The following KCNJ12 variants were observed in gnomAD, a reference collection of about 807,000 sequenced individuals.
KCNJ12 encodes ATP-sensitive inward rectifier potassium channel 12.
In KCNJ12, 2 loss-of-function variants were observed where a neutral mutation model predicts 22.3. The observed-to-expected ratio is 0.09, with a 90% confidence interval of 0.04 to 0.28. The LOEUF (loss-of-function observed/expected upper bound fraction) is 0.28, where lower values mean the gene tolerates loss of function less well. Among genes scored for constraint, KCNJ12 ranks in the 10% least tolerant of loss-of-function variants. KCNJ12 has a pLI of 1.00. For missense variants in KCNJ12, 155 were observed against 633.3 expected (o/e 0.24, Z 8.11); for synonymous variants, 117 against 261.4 (o/e 0.45, Z 5.33).
At position 21,416,906 on chromosome 17, in the gene KCNJ12, A is replaced by T; in HGVS notation, c.*262A>T. ...CCTGGGGGGCCAGGCCACGAGGGCC[A>T]GGGCTTCTGCCTGAAGATGGAGCTG... On this transcript the variant is annotated 3_prime_UTR_variant, in exon 3 of 3. Transcript: ENST00000583088. 1 of 546,784 alleles carries T rather than the reference A, an allele frequency of 1.8e-6. No homozygotes were observed. The highest frequency in any genetic ancestry group is 3.6e-5 in the Admixed American group (1 of 27,708). 33.9% of individuals were successfully genotyped at this position (546,784 alleles called of 1,614,324 possible). A position where few individuals can be genotyped will look rare whatever the true frequency, so the allele number is the denominator to read the frequency against.
chr17:21,390,689 G>T (rs782540940), intron 1 of KCNJ12, among the ~76,000 whole-genome samples: 1 of 152,160 alleles, frequency 6.6e-6, no homozygotes, highest in Non-Finnish European at 1.5e-5. Flanking sequence ...GTTTGGTTGT[G>T]GCTCTGAGCT....
intron 1 of KCNJ12, among the ~76,000 whole-genome samples, chr17:21,382,643 G>A (rs573179707): frequency 1.3e-5 from 2 of 152,288 alleles, no homozygotes; most frequent in South Asian, 4.1e-4. Context: ...AGCACTGCCC[G>A]TCCCTCCTCC....
intron 1 of KCNJ12, among the ~76,000 whole-genome samples, chr17:21,399,754 C>CT (rs1905507589): frequency 6.6e-6 from 1 of 152,212 alleles, no homozygotes; most frequent in Non-Finnish European, 1.5e-5. Flanking sequence ...TCCTAGGTCT[C>CT]TATTTCCACA....
At chr17:21,398,312 C>T (rs1310354880) in intron 1 of KCNJ12, among the ~76,000 whole-genome samples, 4 of 152,236 alleles carry the variant, frequency 2.6e-5, no homozygotes, top group African/African-American at 9.6e-5. Flanking sequence ...TGGTCATACC[C>T]CACACTTCTC....
At chr17:21,382,533 A>G (rs782392498) in intron 1 of KCNJ12, among the ~76,000 whole-genome samples, 5 of 152,112 alleles carry the variant, frequency 3.3e-5, no homozygotes, top group African/African-American at 9.7e-5. Context: ...TAAAATGTTT[A>G]AAAATGTTTA....
Position 21,391,449 on chromosome 17 carries a change from C to CT in KCNJ12, c.-179+14537dup, listed in dbSNP as rs537546026. ...CCGGACCACAGACCTCCTCACAAGACTGTCCTGCTGCTCCCCAGCTTCTCC... is the reference window on the plus strand; with the variant it reads ...CCGGACCACAGACCTCCTCACAAGACTTGTCCTGCTGCTCCCCAGCTTCTCC... On this transcript the variant is annotated intron_variant, in intron 1 of 2. Transcript: ENST00000583088. Among the ~76,000 whole-genome samples, 5 of 152,342 alleles carry CT rather than the reference C, an allele frequency of 3.3e-5. No individual in the cohort carries two copies. The East Asian group carries it at 9.7e-4, about 29-fold the overall frequency.
chr17:21,396,997 T>A (rs1277980821), intron 1 of KCNJ12, among the ~76,000 whole-genome samples: 1 of 152,222 alleles, frequency 6.6e-6, no homozygotes, highest in Admixed American at 6.5e-5. Context: ...TTCCTAGCTG[T>A]GTGACCCTGG....
intron 1 of KCNJ12, among the ~76,000 whole-genome samples, chr17:21,396,220 C>T (rs782257174): frequency 3.0e-4 from 46 of 152,284 alleles, no homozygotes; most frequent in Non-Finnish European, 5.0e-4. Flanking sequence ...GCTACATGCA[C>T]CTGGACTCCT....
chr17:21,379,857 G>A (rs1166330806), intron 1 of KCNJ12, among the ~76,000 whole-genome samples: 1 of 152,102 alleles, frequency 6.6e-6, no homozygotes, highest in Non-Finnish European at 1.5e-5. Flanking sequence ...CAGGACCAGA[G>A]CCCCCGCTGG....
At chr17:21,409,187 T>A (rs1460018856) in intron 2 of KCNJ12, among the ~76,000 whole-genome samples, 2 of 152,312 alleles carry the variant, frequency 1.3e-5, no homozygotes, top group Non-Finnish European at 2.9e-5. Context: ...AAGTAGCTTC[T>A]GGCCTGAACG....
intron 1 of KCNJ12, among the ~76,000 whole-genome samples, chr17:21,383,679 C>T: frequency 6.6e-6 from 1 of 152,142 alleles, no homozygotes; most frequent in East Asian, 1.9e-4. Context: ...CCCTTTCTTT[C>T]CATCCCCTCC....
intron 1 of KCNJ12, among the ~76,000 whole-genome samples, chr17:21,397,254 G>T (rs1291280437): frequency 2.0e-5 from 3 of 152,168 alleles, no homozygotes; most frequent in Non-Finnish European, 4.4e-5. Context: ...TTCTCAGGGC[G>T]CAGTGAGGCA....
chr17:21,384,031 C>G, intron 1 of KCNJ12, among the ~76,000 whole-genome samples: 1 of 152,054 alleles, frequency 6.6e-6, no homozygotes, highest in Non-Finnish European at 1.5e-5. Context: ...AGTTTCTTGT[C>G]CTTGGGGTGA....
At chr17:21,398,516 G>A (rs1442248455) in intron 1 of KCNJ12, among the ~76,000 whole-genome samples, 1 of 152,234 alleles carries the variant, frequency 6.6e-6, no homozygotes, top group African/African-American at 2.4e-5. Context: ...CCTTGCTGGG[G>A]ATAACTCTGA....
At chr17:21,392,654 C>A (rs577874236) in intron 1 of KCNJ12, among the ~76,000 whole-genome samples, 1 of 152,356 alleles carries the variant, frequency 6.6e-6, no homozygotes, top group South Asian at 2.1e-4. Flanking sequence ...GACCCCCATC[C>A]TCCTCGAGTG....
At chr17:21,384,446 A>G (rs1905002676) in intron 1 of KCNJ12, among the ~76,000 whole-genome samples, 1 of 152,142 alleles carries the variant, frequency 6.6e-6, no homozygotes, top group African/African-American at 2.4e-5. Flanking sequence ...CCTTCGTCAC[A>G]TCCCTCTGGG....
rs1465733238 is a variant in KCNJ12 at position 21,401,723 on chromosome 17, T to C, written c.-178-6796T>C. ...AGACTTTAAGGACTCTAGAGCACTC[T>C]TGGGGCACAGGGACAGAATCCTAGT... On this transcript the variant is annotated intron_variant, in intron 1 of 2. Transcript: ENST00000583088. 6.6e-5 allele frequency among the ~76,000 whole-genome samples: 10 copies of C among 152,228 alleles called. No homozygotes were observed. The South Asian group carries it at 1.9e-3, about 28-fold the overall frequency.
Position 21,415,271 on chromosome 17 carries a change from G to T in KCNJ12, c.-56-16G>T. Reference sequence around the variant, plus strand: ...AGCCACCAGCCCAGCCAGACATGCTGTCGTCTCTGTTGCAGGAGCCGCCCT... The same window carrying T: ...AGCCACCAGCCCAGCCAGACATGCTTTCGTCTCTGTTGCAGGAGCCGCCCT... On this transcript the variant is annotated splice_polypyrimidine_tract_variant and intron_variant, in intron 2 of 2. Transcript: ENST00000583088. 1 of 1,552,578 alleles carries T rather than the reference G, an allele frequency of 6.4e-7. No individual in the cohort carries two copies. The highest frequency in any genetic ancestry group is 8.7e-7 in the Non-Finnish European group (1 of 1,155,542).
intron 1 of KCNJ12, among the ~76,000 whole-genome samples, chr17:21,384,765 T>A (rs1159167610): frequency 2.3e-5 from 3 of 130,876 alleles, no homozygotes; most frequent in Non-Finnish European, 5.0e-5. Context: ...TGTTGTTGTT[T>A]GTTTGTTTTT....
Sources: gnomAD v4.1 joint callset for allele counts (sites outside exome capture counted in the v4.1 genomes callset) on GRCh38, gnomAD v4.1.1 for gene constraint, MANE v1.5 for transcripts, NCBI Gene and HGNC (gene_info 2026-07-23, HGNC 2026-07-21) for gene names.